MICAL1: variants seen among roughly 807,000 people sequenced by gnomAD.
MICAL1 encodes the protein [F-actin]-monooxygenase MICAL1.
A neutral mutation model predicts 131.8 loss-of-function variants in MICAL1; 95 were observed. That is an observed-to-expected ratio of 0.72 (90% CI 0.61 to 0.86). MICAL1 has a LOEUF of 0.86. MICAL1 is among the 40% of genes least tolerant of loss of function. The probability of loss-of-function intolerance (pLI) is 0.00; values close to 1 mark genes in which losing one functional copy is unlikely to be tolerated. For synonymous variants in MICAL1, 546 were observed against 554.2 expected, an observed-to-expected ratio of 0.99 and a Z score of 0.21; for missense variants, 1,292 against 1,380.6, an observed-to-expected ratio of 0.94 and a Z score of 1.02.
intron 8 of MICAL1, 39 bp from the exon 9 acceptor site, chr6:109,450,124 T>G: frequency 6.3e-7 from 1 of 1,599,190 alleles, no homozygotes; most frequent in Non-Finnish European, 8.5e-7. Context: ...TCAGGGAGAA[T>G]CCAACAGGTG....
Position 109,445,980 on chromosome 6 carries a change from G to C in MICAL1, c.2582-118C>G, listed in dbSNP as rs1582637388. ...GGTAAAGACTGAATGTATGTGTTGGGGCATGGGAGGAACTGAGAAGAATGG... is the reference window on the plus strand; with the variant it reads ...GGTAAAGACTGAATGTATGTGTTGGCGCATGGGAGGAACTGAGAAGAATGG... On this transcript the variant is annotated intron_variant, in intron 19 of 24. Coordinates refer to ENST00000358807, the MANE Select transcript of MICAL1 (RefSeq NM_022765.4). The C allele has an allele frequency of 3.3e-6, 5 of 1,494,774 alleles. No homozygotes were observed. In the East Asian group the frequency reaches 1.2e-4, roughly 36 times the overall value. 92.6% of individuals were successfully genotyped at this position (1,494,774 alleles called of 1,614,324 possible).
Position 109,444,074 on chromosome 6 carries a change from A to C in MICAL1, c.*117T>G, listed in dbSNP as rs1775094437. The stretch of plus-strand genomic sequence containing the variant: ...GGTGTGAACGCTGTTTGTGGCAGAA[A>C]CATTTTAATTGTAAACAGCAAGGCT... On this transcript the variant is annotated 3_prime_UTR_variant, in exon 25 of 25. Transcript: ENST00000358807. 8 of 1,494,684 alleles carry C rather than the reference A, an allele frequency of 5.4e-6. No individual in the cohort carries two copies. The highest frequency in any genetic ancestry group is 7.1e-6 in the Non-Finnish European group (8 of 1,123,308). The allele number at this position is 1,494,684 out of a possible 1,614,324, so 92.6% of individuals were successfully genotyped here. A position where few individuals can be genotyped will look rare whatever the true frequency, so the allele number is the denominator to read the frequency against.
intron 1 of MICAL1, 115 bp from the exon 2 acceptor site, chr6:109,454,354 G>A: frequency 9.8e-7 from 1 of 1,019,930 alleles, no homozygotes; most frequent in South Asian, 1.7e-5. Flanking sequence ...ACCAGTGATT[G>A]GCTCTGCTCC....
rs145076352 is a variant in MICAL1, at chr6:109,452,311, G to A, written c.767C>T (p.Pro256Leu). ...NGRTVEETQV[P>L]EISGVARIYN... ...GATCCTGGCTACACCACTGATCTCC[G>A]GCACCTGTGTCTCCTCCACGGTGCG... Residue 256 changes from proline (P) to leucine (L), a missense_variant, in exon 6 of 25, where the codon CCG (proline) becomes CTG (leucine). Coordinates refer to ENST00000358807, the MANE Select transcript of MICAL1 (RefSeq NM_022765.4). 4.1e-5 allele frequency: 66 copies of A among 1,614,110 alleles called. No homozygotes were observed. The highest frequency in any genetic ancestry group is 6.6e-5 in the South Asian group (6 of 91,080).
intron 19 of MICAL1, 74 bp from the exon 20 acceptor site, chr6:109,445,936 A>T: frequency 6.5e-7 from 1 of 1,547,958 alleles, no homozygotes; most frequent in South Asian, 1.2e-5. Flanking sequence ...CATGGTGGTG[A>T]CGGAGGCCCT....
At chr6:109,465,605 A>G (rs1315894591) in intron 1 of MICAL1, 2 of 1,512,642 alleles carry the variant, frequency 1.3e-6, no homozygotes, top group Non-Finnish European at 1.8e-6. Context: ...TTTATGAGAC[A>G]TTGCAGATTA....
intron 1 of MICAL1, chr6:109,463,811 A>C (rs1775966340): frequency 6.6e-6 from 1 of 152,212 alleles, no homozygotes. Flanking sequence ...GATTAAATAA[A>C]CTTTTATTAA....
chr6:109,447,461 G>A, intron 15 of MICAL1, 21 bp from the exon 16 acceptor site: 1 of 1,605,170 alleles, frequency 6.2e-7, no homozygotes, highest in Non-Finnish European at 8.5e-7. Flanking sequence ...AAGTGCTCAG[G>A]CAGGGAGGGT....
chr6:109,457,430 G>A (rs1775780691), upstream of MICAL1, among the ~76,000 whole-genome samples: 1 of 152,180 alleles, frequency 6.6e-6, no homozygotes. Context: ...ATGCGTGAAA[G>A]GCTGGCATTA....
chr6:109,453,797 G>A lies in MICAL1; in HGVS notation c.307C>T (p.Leu103=). Residue 103 remains leucine (L), a synonymous_variant, in exon 3 of 25, where the codon CTG becomes TTG. Transcript: ENST00000358807. ...ACCACTCGGGCCCCCAGCAGCGCCA[G>A]CTCCACAGCGACCCGCAGCCCGCAA... The part of the protein sequence containing the change: ...GPCGLRVAVE[L]ALLGARVVLV... 1 of 1,613,734 alleles carries A rather than the reference G, an allele frequency of 6.2e-7. No homozygotes were observed. Among genetic ancestry groups the A allele is most frequent in the East Asian group, 2.2e-5 (1 of 44,884 alleles).
intron 1 of MICAL1, chr6:109,465,331 A>C: frequency 6.1e-6 from 2 of 329,062 alleles, no homozygotes; most frequent in South Asian, 9.0e-5. Context: ...GGGGACTGGA[A>C]ATTATTAAAA....
chr6:109,452,539 C>G lies in MICAL1; in HGVS notation c.648G>C (p.Ser216=), dbSNP rs116647620. 6.2e-7 allele frequency: 1 copy of G among 1,613,684 alleles called. No individual in the cohort carries two copies. Among genetic ancestry groups the G allele is most frequent in the Non-Finnish European group, 8.5e-7 (1 of 1,179,964 alleles). ...LANYEFDVLI[S]AAGGKFVPEG... Reference sequence around the variant, plus strand: ...CAGGGACGAATTTACCTCCTGCAGCCGAGATAAGGACGTCAAATTCATAGT... The same window carrying G: ...CAGGGACGAATTTACCTCCTGCAGCGGAGATAAGGACGTCAAATTCATAGT... Residue 216 remains serine, a synonymous_variant, in exon 5 of 25, where the codon TCG becomes TCC. Coordinates refer to ENST00000358807, the MANE Select transcript of MICAL1 (RefSeq NM_022765.4).
upstream of MICAL1, among the ~76,000 whole-genome samples, chr6:109,460,597 T>C (rs9487114): frequency 0.018 from 2,742 of 151,902 alleles, 95 homozygotes; most frequent in African/African-American, 0.063. Context: ...TGTAAAGGAT[T>C]TGAGAGCAGG....
At position 109,445,595 on chromosome 6, in the gene MICAL1, G is replaced by C; in HGVS notation, c.2674-66C>G. On this transcript the variant is annotated intron_variant, in intron 20 of 24. Transcript: ENST00000358807. ...CCCTGGTGGATAGGAGTGTTGTTTG[G>C]AAAGGCAGAAAATAACCCGTGCTGA... is the stretch of plus-strand genomic sequence containing the variant. 2.5e-6 allele frequency: 4 copies of C among 1,586,702 alleles called. No individual in the cohort carries two copies. In the South Asian group the frequency reaches 4.4e-5, roughly 18 times the overall value.
rs1054569217 is a variant in MICAL1 at position 109,451,678 on chromosome 6, C to T, written c.855G>A (p.Val285=). 3.1e-6 allele frequency: 5 copies of T among 1,614,036 alleles called. No individual in the cohort carries two copies. Among genetic ancestry groups the T allele is most frequent in the Non-Finnish European group, 4.2e-6 (5 of 1,179,956 alleles). ...AGTAGTGGGTGTCGTCCTTGTAGTA[C>T]ACAATGTTCTCCAGATCAATGCCTG... ...KATGIDLENI[V]YYKDDTHYFV... is the part of the protein sequence containing the mutation. The change falls in exon 7 of 25, where the codon GTG becomes GTA. Residue 285 remains valine (V), a synonymous_variant. Coordinates refer to ENST00000358807, the MANE Select transcript of MICAL1 (RefSeq NM_022765.4).
chr6:109,452,414 G>A lies in MICAL1; in HGVS notation c.677-13C>T. On this transcript the variant is annotated splice_polypyrimidine_tract_variant and intron_variant, in intron 5 of 24. Coordinates refer to ENST00000358807, the MANE Select transcript of MICAL1 (RefSeq NM_022765.4). ...CGAACTTTGAAGCCTAGAGGTGGCG[G>A]TAGGTGAACAATGGCAGGAGGAGGG... The A allele has an allele frequency of 5.0e-6, 8 of 1,613,264 alleles. No homozygotes were observed. Among genetic ancestry groups the A allele is most frequent in the Non-Finnish European group, 6.8e-6 (8 of 1,179,348 alleles).
rs1238258772 is a variant in MICAL1, at chr6:109,452,322, C to T, written c.756G>A (p.Glu252=). The change falls in exon 6 of 25, where the codon GAG becomes GAA. Residue 252 remains glutamate (E), a synonymous_variant. Coordinates refer to ENST00000358807, the MANE Select transcript of MICAL1 (RefSeq NM_022765.4). ...ANFVNGRTVE[E]TQVPEISGVA... is the part of the protein sequence containing the mutation. Reference sequence around the variant, plus strand: ...CACCACTGATCTCCGGCACCTGTGTCTCCTCCACGGTGCGTCCATTCACAA... The same window carrying T: ...CACCACTGATCTCCGGCACCTGTGTTTCCTCCACGGTGCGTCCATTCACAA... 6 of 1,614,224 alleles carry T rather than the reference C, an allele frequency of 3.7e-6. No individual in the cohort carries two copies. In the South Asian group the frequency reaches 6.6e-5, roughly 18 times the overall value.
At position 109,454,091 on chromosome 6, in the gene MICAL1, C is replaced by T. The variant is rs780842261; in HGVS notation, c.106G>A (p.Ala36Thr). 2.5e-6 allele frequency: 4 copies of T among 1,613,902 alleles called. No homozygotes were observed. The highest frequency in any genetic ancestry group is 1.7e-5 in the Admixed American group (1 of 60,034). ...VLSSFQELCG[A>T]LGLEPGGGLP... ...CCCCCACCGGGTTCCAGCCCCAGGG[C>T]CCCACACAGCTCCTGGAAGCTGCTC... Residue 36 changes from alanine (A) to threonine (T), a missense_variant, in exon 2 of 25, where the codon GCC (alanine) becomes ACC (threonine). Transcript: ENST00000358807.
rs201879954 is a variant in MICAL1 at position 109,447,689 on chromosome 6, G to A, written c.1978C>T (p.Arg660Cys). 4.7e-5 allele frequency: 76 copies of A among 1,614,060 alleles called. No homozygotes were observed. In the Admixed American group the frequency reaches 7.5e-4, roughly 16 times the overall value. The change falls in exon 15 of 25, where the codon CGC (arginine) becomes TGC (cysteine). Residue 660 changes from arginine (R) to cysteine (C), a missense_variant. Arg to Cys is a radical substitution (Grantham distance 180, BLOSUM62 -3). Transcript: ENST00000358807. ...CCCCTGCCTGCATTCACCTCCAAGC[G>A]CAGCTTCTTGCCACCAGCATCCTCT... Reference protein sequence around the residue: ...NAEDAGGKKLRLEMEAETPST... With the variant: ...NAEDAGGKKLCLEMEAETPST...
Sources: allele counts gnomAD v4.1 joint callset (sites outside exome capture counted in the v4.1 genomes callset), GRCh38; gene constraint gnomAD v4.1.1; transcripts MANE v1.5; gene names NCBI Gene and HGNC (gene_info 2026-07-23, HGNC 2026-07-21).